TAPBPL: variants seen among roughly 807,000 people sequenced by gnomAD.
TAPBPL encodes tapasin-related protein.
In TAPBPL, 32 loss-of-function variants were observed where a neutral mutation model predicts 44.8. The ratio of observed to expected loss-of-function variants is 0.71; its 90% CI spans 0.54 to 0.96. TAPBPL has a LOEUF of 0.96. Ranked by LOEUF, TAPBPL falls within the 40% of genes least tolerant of loss-of-function variation. The pLI, the probability that TAPBPL is intolerant of heterozygous loss-of-function variation, is 0.00. For synonymous variants in TAPBPL, 230 were observed against 240.7 expected (o/e 0.96, Z 0.41); for missense variants, 520 against 586.6 (o/e 0.89, Z 1.17).
At chr12:6,462,900 T>C (rs937356151), downstream of TAPBPL, 53 of 1,583,410 alleles carry the variant, frequency 3.3e-5, no homozygotes, top group Middle Eastern at 1.7e-4. Context: ...AAGGATGGTT[T>C]TGAGCAATGA....
At chr12:6,454,547 A>C (rs1352920209) in intron 3 of TAPBPL, among the ~76,000 whole-genome samples, 12 of 152,214 alleles carry the variant, frequency 7.9e-5, no homozygotes, top group Admixed American at 7.2e-4. Flanking sequence ...CCAGGCACAC[A>C]GACAACCTGT....
Position 6,461,102 on chromosome 12 carries a change from G to A in TAPBPL, c.1291+164G>A, listed in dbSNP as rs1053375047. The A allele has an allele frequency of 1.0e-5, 15 of 1,437,190 alleles. No individual in the cohort carries two copies. The Admixed American group carries it at 1.1e-4, about 11-fold the overall frequency. The allele number at this position is 1,437,190 out of a possible 1,614,324, so 89.0% of individuals were successfully genotyped here. A position where few individuals can be genotyped will look rare whatever the true frequency, so the allele number is the denominator to read the frequency against. On this transcript the variant is annotated intron_variant, in intron 6 of 6. Transcript: ENST00000266556. The stretch of plus-strand genomic sequence containing the variant: ...GCCCTAAATGAAAATGAAACCAGTC[G>A]TGTTCCCTCGTTTTCTCCTAGCTAC...
chr12:6,456,176 C>G (rs1592132726), intron 3 of TAPBPL, among the ~76,000 whole-genome samples: 1 of 152,092 alleles, frequency 6.6e-6, no homozygotes, highest in Non-Finnish European at 1.5e-5. Context: ...AAGAATCATG[C>G]AGTGCATTTA....
chr12:6,469,640 T>C (rs1314127930), downstream of TAPBPL, among the ~76,000 whole-genome samples: 1 of 152,198 alleles, frequency 6.6e-6, no homozygotes, highest in East Asian at 1.9e-4. Flanking sequence ...TTTTTGTCAC[T>C]TAGAGAAGCA....
chr12:6,462,230 A>C lies in TAPBPL; in HGVS notation c.*81A>C. ...AGCTACTCCAACCCAAACAACAACC[A>C]AGCCAGTTTAATGGTAGGAATTTGT... On this transcript the variant is annotated 3_prime_UTR_variant, in exon 7 of 7. Transcript: ENST00000266556. The C allele has an allele frequency of 2.5e-6, 3 of 1,206,948 alleles. No homozygotes were observed. The highest frequency in any genetic ancestry group is 3.5e-6 in the Non-Finnish European group (3 of 861,282). The allele number at this position is 1,206,948 out of a possible 1,614,324, so 74.8% of individuals were successfully genotyped here. A position where few individuals can be genotyped will look rare whatever the true frequency, so the allele number is the denominator to read the frequency against.
At chr12:6,462,612 A>G (rs1439038885), downstream of TAPBPL, 2 of 610,528 alleles carry the variant, frequency 3.3e-6, no homozygotes. Flanking sequence ...GGCCAACTAC[A>G]CCTGGTGAGC....
downstream of TAPBPL, chr12:6,464,094 T>A (rs562091139): frequency 4.6e-6 from 6 of 1,310,962 alleles, no homozygotes; most frequent in Admixed American, 2.3e-5. Context: ...GAAGTCACCA[T>A]GGGCACCGAT....
downstream of TAPBPL, chr12:6,466,122 CT>C: frequency 6.2e-7 from 1 of 1,611,314 alleles, no homozygotes; most frequent in Non-Finnish European, 8.5e-7. Flanking sequence ...CTCTCAGGGC[CT>C]TTGACTATTC....
chr12:6,468,153 G>A (rs1317177110), downstream of TAPBPL, among the ~76,000 whole-genome samples: 6 of 152,240 alleles, frequency 3.9e-5, no homozygotes. Context: ...CAGAATGGTA[G>A]ATCCACTGGT....
rs753361106 is a variant in TAPBPL at position 6,453,147 on chromosome 12, GGA to G, written c.147_148del (p.Ala50SerfsTer5). ...CCTGGCGAAGGACGGTGCGCACCGT[GGA>G]GCTCTCGCCAGCAGTGAGGACAGGG... ...CFLAKDGAHR[G>X]ALASSEDRAR... On this transcript the variant is annotated frameshift_variant, in exon 2 of 7. Transcript: ENST00000266556. LOFTEE classifies it high-confidence loss of function. The surrounding 1 kb of genome is among the most constrained non-coding windows in gnomAD (Gnocchi z 4.8). The G allele has an allele frequency of 6.2e-6, 10 of 1,601,608 alleles. No homozygotes were observed. Among genetic ancestry groups the G allele is most frequent in the Non-Finnish European group, 8.5e-6 (10 of 1,174,670 alleles).
downstream of TAPBPL, among the ~76,000 whole-genome samples, chr12:6,469,202 C>G (rs532480566): frequency 1.4e-4 from 21 of 152,312 alleles, 1 homozygote; most frequent in South Asian, 4.1e-3. Flanking sequence ...CCACAAGACT[C>G]TTGTCCTGCC....
chr12:6,465,411 T>TGTATATATATATAC, downstream of TAPBPL: 1 of 70,324 alleles, frequency 1.4e-5, no homozygotes, highest in African/African-American at 4.5e-5. Context: ...AATGTATATA[T>TGTATATATATATAC]ATGTATATAT....
At position 6,462,015 on chromosome 12, in the gene TAPBPL, C is replaced by T; in HGVS notation, c.1292-19C>T. On this transcript the variant is annotated intron_variant, in intron 6 of 6. Transcript: ENST00000266556. ...GTGAGATGCCCACGCAACTTCCTGT[C>T]TTCACTTCCTCTTACCAGCACCTAC... is the stretch of plus-strand genomic sequence containing the variant. The T allele has an allele frequency of 6.2e-7, 1 of 1,601,604 alleles. No individual in the cohort carries two copies. The highest frequency in any genetic ancestry group is 8.5e-7 in the Non-Finnish European group (1 of 1,170,896).
chr12:6,466,121 C>T (rs1950018706), downstream of TAPBPL: 6 of 1,610,946 alleles, frequency 3.7e-6, no homozygotes, highest in Non-Finnish European at 5.1e-6. Flanking sequence ...CCTCTCAGGG[C>T]CTTTGACTAT....
rs960596853 is a variant in TAPBPL, at chr12:6,453,135, G to A, written c.133G>A (p.Gly45Ser). The change falls in exon 2 of 7, where the codon GGT (glycine) becomes AGT (serine). Residue 45 changes from glycine (G) to serine (S), a missense_variant. Transcript: ENST00000266556. The surrounding 1 kb of genome is among the most constrained non-coding windows in gnomAD (Gnocchi z 4.8). ...VVLDCFLAKD[G>S]AHRGALASSE... Reference sequence around the variant, plus strand: ...CCTAGACTGCTTCCTGGCGAAGGACGGTGCGCACCGTGGAGCTCTCGCCAG... The same window carrying A: ...CCTAGACTGCTTCCTGGCGAAGGACAGTGCGCACCGTGGAGCTCTCGCCAG... The A allele has an allele frequency of 5.0e-6, 8 of 1,594,608 alleles. No homozygotes were observed. The highest frequency in any genetic ancestry group is 1.8e-5 in the Admixed American group (1 of 55,882).
At chr12:6,462,477 G>A, downstream of TAPBPL, 2 of 497,994 alleles carry the variant, frequency 4.0e-6, no homozygotes, top group Non-Finnish European at 7.1e-6. Context: ...AAAGTCCCAG[G>A]GTTTTGTTGC....
intron 3 of TAPBPL, among the ~76,000 whole-genome samples, chr12:6,456,428 G>A (rs912959586): frequency 1.3e-5 from 2 of 148,730 alleles, no homozygotes; most frequent in African/African-American, 5.0e-5. Context: ...GCAATGGCTC[G>A]ATCTTGGCTC....
At chr12:6,457,866 A>G in intron 4 of TAPBPL, 122 bp downstream of exon 4, 1 of 1,084,330 alleles carries the variant, frequency 9.2e-7, no homozygotes, top group Non-Finnish European at 1.3e-6. Flanking sequence ...CCCACAACTT[A>G]AATGCCATCT....
downstream of TAPBPL, among the ~76,000 whole-genome samples, chr12:6,469,675 C>G (rs745550450): frequency 6.6e-6 from 1 of 152,128 alleles, no homozygotes; most frequent in East Asian, 1.9e-4. Context: ...AGGACCAGGC[C>G]AGGGTAGTAA....
Sources: gnomAD v4.1 joint callset for allele counts (sites outside exome capture counted in the v4.1 genomes callset) on GRCh38, gnomAD v4.1.1 for gene constraint, Gnocchi (gnomAD v3.1) non-coding constraint, MANE v1.5 for transcripts, NCBI Gene and HGNC (gene_info 2026-07-23, HGNC 2026-07-21) for gene names.